Variants in RASGRF1 observed in about 807,000 individuals in gnomAD.
RASGRF1 encodes Ras protein specific guanine nucleotide releasing factor 1.
RASGRF1 carries 40 observed loss-of-function variants against 138.7 expected under a neutral mutation model. The ratio of observed to expected loss-of-function variants is 0.29; its 90% CI spans 0.22 to 0.38. The LOEUF (loss-of-function observed/expected upper bound fraction) is 0.38. Among genes scored for constraint, RASGRF1 ranks in the 10% least tolerant of loss-of-function variants. RASGRF1 has a pLI of 1.00. For missense variants in RASGRF1, 1,108 were observed against 1,650.4 expected (o/e 0.67, Z 5.69); for synonymous variants, 614 against 663.2 (o/e 0.93, Z 1.14).
chr15:79,024,364 A>AACACATACACACACTATAC (rs2061552658), intron 10 of RASGRF1, among the ~76,000 whole-genome samples: 2 of 151,918 alleles, frequency 1.3e-5, no homozygotes, highest in Admixed American at 6.6e-5. Flanking sequence ...CATAGAGGCA[A>AACACATACACACACTATAC]ACACATACAC....
chr15:79,089,985 C>T (rs997240493), intron 1 of RASGRF1, among the ~76,000 whole-genome samples: 7 of 152,208 alleles, frequency 4.6e-5, no homozygotes, highest in African/African-American at 1.7e-4. Context: ...GGGGCTCGTC[C>T]GGCGAAGGGC....
intron 26 of RASGRF1, among the ~76,000 whole-genome samples, chr15:78,971,355 C>A (rs1266226637): frequency 1.3e-5 from 2 of 152,098 alleles, no homozygotes; most frequent in Non-Finnish European, 2.9e-5. Flanking sequence ...TAGGAATGAT[C>A]TCCAAGATAT....
chr15:78,973,219 G>C lies in RASGRF1; in HGVS notation c.3612+84C>G, dbSNP rs1046376217. ...CACCCTATGCAGCAGGTTGGGCCTT[G>C]GGGGGCAGAGTGTGGGTGGGCCCCA... On this transcript the variant is annotated intron_variant, in intron 25 of 26. Coordinates refer to ENST00000558480, the MANE Select transcript of RASGRF1 (RefSeq NM_001145648.3). This position sits in a 1 kb window ranked among gnomAD's most constrained non-coding sequence, Gnocchi z 4.9. The C allele has an allele frequency of 8.7e-7, 1 of 1,151,262 alleles. No homozygotes were observed. Among genetic ancestry groups the C allele is most frequent in the East Asian group, 2.5e-5 (1 of 40,738 alleles). The allele number at this position is 1,151,262 out of a possible 1,614,324, so 71.3% of individuals were successfully genotyped here.
Position 79,006,029 on chromosome 15 carries a change from G to A in RASGRF1, c.2075+157C>T, listed in dbSNP as rs929313719. On this transcript the variant is annotated intron_variant, in intron 14 of 26. Transcript: ENST00000558480. The surrounding 1 kb of genome is among the most constrained non-coding windows in gnomAD (Gnocchi z 4.0). Reference sequence around the variant, plus strand: ...CAGAGGGAGGCTTGGTTCCTGGGGAGAGGGGGCAGTGGCGGTGTGTGTCCC... The same window carrying A: ...CAGAGGGAGGCTTGGTTCCTGGGGAAAGGGGGCAGTGGCGGTGTGTGTCCC... 74 of 1,105,424 alleles carry A rather than the reference G, an allele frequency of 6.7e-5. No individual in the cohort carries two copies. Among genetic ancestry groups the A allele is most frequent in the Non-Finnish European group, 8.5e-5 (67 of 784,800 alleles). 68.5% of individuals were successfully genotyped at this position (1,105,424 alleles called of 1,614,324 possible). A position where few individuals can be genotyped will look rare whatever the true frequency, so the allele number is the denominator to read the frequency against.
chr15:79,004,215 G>A (rs1160104573), intron 14 of RASGRF1, 40 bp from the exon 15 acceptor site: 1 of 1,518,324 alleles, frequency 6.6e-7, no homozygotes, highest in Non-Finnish European at 8.8e-7. Context: ...GTTAGCGTAG[G>A]CCTGCCTGCC....
At chr15:79,052,325 TTC>T (rs1595941936) in intron 3 of RASGRF1, among the ~76,000 whole-genome samples, 1 of 152,338 alleles carries the variant, frequency 6.6e-6, no homozygotes, top group East Asian at 1.9e-4. Flanking sequence ...CCAGATCTTT[TTC>T]TCTTTGTTAG....
At chr15:79,012,540 C>G in intron 13 of RASGRF1, 1 of 1,614,084 alleles carries the variant, frequency 6.2e-7, no homozygotes, top group Non-Finnish European at 8.5e-7. Flanking sequence ...GTGAAGAAAA[C>G]CAGGCTTTAG....
intron 24 of RASGRF1, among the ~76,000 whole-genome samples, chr15:78,978,029 G>A (rs979429307): frequency 1.3e-5 from 2 of 152,080 alleles, no homozygotes; most frequent in African/African-American, 4.8e-5. Flanking sequence ...CCACTCTCAG[G>A]GCATCTGGCA....
intron 14 of RASGRF1, chr15:79,005,391 T>C (rs757468651): frequency 4.3e-5 from 42 of 985,156 alleles, no homozygotes; most frequent in Non-Finnish European, 4.3e-5. Context: ...TAGGGTGTTT[T>C]GGGGCAGGGC....
chr15:79,024,735 A>G (rs2057020403), intron 10 of RASGRF1, among the ~76,000 whole-genome samples: 2 of 152,190 alleles, frequency 1.3e-5, no homozygotes. Context: ...CATGATTGTG[A>G]GGCCTTCTCA....
chr15:79,079,481 T>C (rs1258527179), intron 1 of RASGRF1, among the ~76,000 whole-genome samples: 10 of 148,016 alleles, frequency 6.8e-5, no homozygotes, highest in Admixed American at 2.7e-4. Context: ...AATGATAGCA[T>C]GTCCACACCA....
intron 5 of RASGRF1, among the ~76,000 whole-genome samples, chr15:79,042,433 G>A (rs1410809168): frequency 1.3e-5 from 2 of 152,210 alleles, no homozygotes; most frequent in Admixed American, 1.3e-4. Context: ...TTCACATCCT[G>A]GATCAGCCCC....
At chr15:79,080,836 A>T (rs1402224438) in intron 1 of RASGRF1, among the ~76,000 whole-genome samples, 1 of 152,230 alleles carries the variant, frequency 6.6e-6, no homozygotes, top group Non-Finnish European at 1.5e-5. Context: ...TAGACCTAGA[A>T]CCTGGAGGCC....
In RASGRF1 at chr15:79,054,997, A is replaced by G. The variant is rs1304588566; in HGVS notation, c.531+3337T>C. ...GGACTATGAGAGTGTAGGGCCATCC[A>G]GGCAACACTGTCATTCCTGAATATG... On this transcript the variant is annotated intron_variant, in intron 3 of 26. Transcript: ENST00000558480. 2.0e-5 allele frequency among the ~76,000 whole-genome samples: 3 copies of G among 152,152 alleles called. No individual in the cohort carries two copies. The East Asian group carries it at 5.8e-4, about 29-fold the overall frequency.
In RASGRF1 at chr15:79,059,242, C is replaced by T. The variant is rs557224265; in HGVS notation, c.384-761G>A. On this transcript the variant is annotated intron_variant, in intron 2 of 26. Coordinates refer to ENST00000558480, the MANE Select transcript of RASGRF1 (RefSeq NM_001145648.3). ...CCCTATCCTTCCCTTCCCTTCCCTT[C>T]CCTTCCCTATCCTTCCCTTCCCTTC... 4.6e-3 allele frequency among the ~76,000 whole-genome samples: 497 copies of T among 108,132 alleles called. 7 individuals are homozygous for T. The highest frequency in any genetic ancestry group is 7.6e-3 in the Non-Finnish European group (400 of 52,352). The allele number at this position is 108,132 out of a possible 152,430, so 70.9% of individuals were successfully genotyped here.
chr15:78,962,755 C>T (rs1439391788), intron 26 of RASGRF1, among the ~76,000 whole-genome samples: 1 of 152,028 alleles, frequency 6.6e-6, no homozygotes. Flanking sequence ...TTGTGGTGTG[C>T]ACCTGTGGTT....
At chr15:78,986,489 G>A (rs2056161031) in intron 22 of RASGRF1, among the ~76,000 whole-genome samples, 2 of 151,982 alleles carry the variant, frequency 1.3e-5, no homozygotes, top group African/African-American at 4.8e-5. Context: ...TGGGATTACA[G>A]GCACACACCA....
intron 10 of RASGRF1, among the ~76,000 whole-genome samples, chr15:79,023,064 C>G (rs2056984670): frequency 6.6e-6 from 1 of 152,012 alleles, no homozygotes; most frequent in Non-Finnish European, 1.5e-5. Context: ...GTCCCAGCTA[C>G]TTGGGAGGCT....
chr15:78,969,623 C>T (rs908816621), intron 26 of RASGRF1, among the ~76,000 whole-genome samples: 8 of 151,902 alleles, frequency 5.3e-5, no homozygotes, highest in South Asian at 2.1e-4. Flanking sequence ...GAACTGAGAT[C>T]GCGCCATTGC....
Sources: allele counts gnomAD v4.1 joint callset (sites outside exome capture counted in the v4.1 genomes callset), GRCh38; gene constraint gnomAD v4.1.1; non-coding constraint Gnocchi (gnomAD v3.1); transcripts MANE v1.5; gene names NCBI Gene and HGNC (gene_info 2026-07-23, HGNC 2026-07-21).